CAST: variants seen among roughly 807,000 people sequenced by gnomAD.
CAST encodes MIR583 host.
In CAST, 76 loss-of-function variants were observed where a neutral mutation model predicts 119.6. The observed-to-expected ratio is 0.64, with a 90% CI of 0.53 to 0.77. CAST has a LOEUF of 0.77. Ranked by LOEUF, CAST falls within the 30% of genes least tolerant of loss-of-function variation. The pLI is 0.00. For missense variants in CAST, 953 were observed against 946.5 expected (o/e 1.01, Z -0.09); for synonymous variants, 319 against 331.6 (o/e 0.96, Z 0.41).
At position 96,740,036 on chromosome 5, in the gene CAST, A is replaced by G. The variant is rs750487454; in HGVS notation, c.799-2A>G. On this transcript the variant is annotated splice_acceptor_variant, in intron 11 of 31. Transcript: ENST00000675179. LOFTEE classifies it high-confidence loss of function. Reference sequence around the variant, plus strand: ...ATCCCTATGTGTATGATTTTGTTCCAGGATCCAATGAGTTCCACCTACATA... The same window carrying G: ...ATCCCTATGTGTATGATTTTGTTCCGGGATCCAATGAGTTCCACCTACATA... 2.6e-6 allele frequency: 4 copies of G among 1,510,864 alleles called. No individual in the cohort carries two copies. The highest frequency in any genetic ancestry group is 3.6e-5 in the Admixed American group (2 of 55,102). The allele number at this position is 1,510,864 out of a possible 1,614,324, so 93.6% of individuals were successfully genotyped here.
chr5:96,484,094 A>G, the CAST span, among the ~76,000 whole-genome samples: 1 of 152,094 alleles, frequency 6.6e-6, no homozygotes, highest in Non-Finnish European at 1.5e-5. Context: ...CCTGTTTAAT[A>G]AGTCTGTAGC....
At chr5:96,084,586 A>G in the CAST span, among the ~76,000 whole-genome samples, 2 of 152,206 alleles carry the variant, frequency 1.3e-5, no homozygotes, top group South Asian at 2.1e-4. Context: ...GGCTAATTGG[A>G]TCAGAGAAAT....
intron 1 of CAST, among the ~76,000 whole-genome samples, chr5:96,614,360 G>A (rs750445768): frequency 2.0e-5 from 3 of 152,126 alleles, no homozygotes; most frequent in Non-Finnish European, 2.9e-5. Flanking sequence ...CTACTACAGC[G>A]CCTCAGTGTT....
chr5:96,568,479 C>A (rs754383108), intron 1 of CAST, among the ~76,000 whole-genome samples: 12 of 142,924 alleles, frequency 8.4e-5, no homozygotes, highest in Admixed American at 3.0e-4. Flanking sequence ...GCAGGAGAAT[C>A]ACTTGAACCT....
chr5:96,540,648 GTTC>G (rs768505443), intron 1 of CAST, among the ~76,000 whole-genome samples: 6 of 152,106 alleles, frequency 3.9e-5, no homozygotes, highest in South Asian at 2.1e-4. Flanking sequence ...TTTACTTAAT[GTTC>G]TTCTTCTGTT....
chr5:96,440,703 A>G, the CAST span, among the ~76,000 whole-genome samples: 1 of 152,188 alleles, frequency 6.6e-6, no homozygotes, highest in Non-Finnish European at 1.5e-5. Flanking sequence ...GGGAAATGTC[A>G]GGGTTTGGCG....
chr5:96,753,350 A>T (rs1048989481), intron 20 of CAST, among the ~76,000 whole-genome samples: 3 of 152,092 alleles, frequency 2.0e-5, no homozygotes, highest in Non-Finnish European at 4.4e-5. Context: ...CATTAAGTTG[A>T]TTCTTATGAC....
upstream of CAST, chr5:96,662,247 G>A (rs1467975639): frequency 5.4e-6 from 4 of 736,328 alleles, no homozygotes; most frequent in Non-Finnish European, 7.8e-6. Context: ...GGCCCATCGG[G>A]GCTAGGGGAA....
the CAST span, among the ~76,000 whole-genome samples, chr5:96,254,893 C>T: frequency 2.0e-5 from 3 of 152,074 alleles, no homozygotes; most frequent in African/African-American, 7.2e-5. Context: ...TTTTATATTG[C>T]TAAAAGTATT....
the CAST span, among the ~76,000 whole-genome samples, chr5:96,009,400 T>A: frequency 6.6e-6 from 1 of 152,236 alleles, no homozygotes; most frequent in African/African-American, 2.4e-5. Context: ...CCACAGTGAC[T>A]GAACTAATTT....
the CAST span, among the ~76,000 whole-genome samples, chr5:96,118,217 C>T: frequency 3.3e-5 from 5 of 151,688 alleles, no homozygotes; most frequent in Admixed American, 6.6e-5. Flanking sequence ...CTGTAGTTTT[C>T]TCTCTCTTTT....
the CAST span, chr5:96,110,813 G>T: frequency 6.6e-6 from 1 of 152,168 alleles, no homozygotes; most frequent in African/African-American, 2.4e-5. Context: ...ACAATCAGAT[G>T]AGTATAGCTA....
rs1188367473 is a variant in CAST, at chr5:96,662,404, C to G, written c.-19C>G. 2 of 1,422,172 alleles carry G rather than the reference C, an allele frequency of 1.4e-6. No homozygotes were observed. Among genetic ancestry groups the G allele is most frequent in the East Asian group, 3.1e-5 (1 of 32,674 alleles). 88.1% of individuals were successfully genotyped at this position (1,422,172 alleles called of 1,614,324 possible). ...CTCCGCGGCGCATTCCGGGAGGCAG[C>G]GGCCGCAGCGGCCTCGCCATGTCCC... On this transcript the variant is annotated 5_prime_UTR_variant, in exon 1 of 32. Transcript: ENST00000675179.
At chr5:96,742,896 T>C in intron 16 of CAST, 140 bp downstream of exon 16, 1 of 659,096 alleles carries the variant, frequency 1.5e-6, no homozygotes, top group Non-Finnish European at 2.7e-6. Flanking sequence ...TATTTATTGC[T>C]GAGTGGTTAG....
the CAST span, chr5:95,961,441 C>G: frequency 8.6e-7 from 1 of 1,165,492 alleles, no homozygotes; most frequent in Non-Finnish European, 1.1e-6. Flanking sequence ...CCGGCCCTGC[C>G]CTGCCTGGCC....
the CAST span, among the ~76,000 whole-genome samples, chr5:96,236,099 G>A: frequency 7.0e-6 from 1 of 142,698 alleles, no homozygotes; most frequent in East Asian, 2.0e-4. Context: ...CTGTCTATCT[G>A]TCTGTCTGTC....
the CAST span, among the ~76,000 whole-genome samples, chr5:96,497,494 C>T: frequency 1.3e-3 from 199 of 151,922 alleles, no homozygotes; most frequent in African/African-American, 4.4e-3. Context: ...AAAAGTGTTC[C>T]TATTTCTCCA....
chr5:96,629,707 A>G (rs929211868), intron 1 of CAST, among the ~76,000 whole-genome samples: 1 of 152,158 alleles, frequency 6.6e-6, no homozygotes, highest in Non-Finnish European at 1.5e-5. Context: ...CCCTATCAGC[A>G]TCTGATTCAA....
At chr5:95,978,694 G>A in the CAST span, among the ~76,000 whole-genome samples, 1 of 152,028 alleles carries the variant, frequency 6.6e-6, no homozygotes, top group Non-Finnish European at 1.5e-5. Context: ...AATTGGATAA[G>A]CAATTTTTCA....
Sources: gnomAD v4.1 joint callset for allele counts (sites outside exome capture counted in the v4.1 genomes callset) on GRCh38, gnomAD v4.1.1 for gene constraint, MANE v1.5 for transcripts, NCBI Gene and HGNC (gene_info 2026-07-23, HGNC 2026-07-21) for gene names.